AFM: variants seen among roughly 807,000 people sequenced by gnomAD.
AFM encodes the protein afamin.
In AFM, 82 loss-of-function variants were observed where a neutral mutation model predicts 68.7. That is an observed-to-expected ratio of 1.19 (90% confidence interval 1.00 to 1.43). The LOEUF is 1.43. Ranked by LOEUF, AFM falls within the 40% of genes most tolerant of loss-of-function variation. The probability of loss-of-function intolerance (pLI) is 0.00; values close to 1 mark genes in which losing one functional copy is unlikely to be tolerated. For synonymous variants in AFM, 250 were observed against 234.2 expected, an observed-to-expected ratio of 1.07 and a Z score of -0.61; for missense variants, 772 against 701.8, an observed-to-expected ratio of 1.10 and a Z score of -1.13.
At chr4:73,503,179 C>G in intron 14 of AFM, 69 bp downstream of exon 14, 1 of 1,197,540 alleles carries the variant, frequency 8.4e-7, no homozygotes, top group Non-Finnish European at 1.2e-6. Context: ...GCCTTTTCTC[C>G]CTCATGCTTC....
At chr4:73,486,938 C>T in intron 4 of AFM, 29 bp from the exon 5 acceptor site, 1 of 1,601,366 alleles carries the variant, frequency 6.2e-7, no homozygotes, top group Non-Finnish European at 8.5e-7. Flanking sequence ...CCTCACCCGT[C>T]TTCTCTCTTT....
rs1560409010 is a variant in AFM at position 73,486,063 on chromosome 4, C to T, written c.472C>T (p.Leu158Phe). 6.2e-7 allele frequency: 1 copy of T among 1,612,940 alleles called. No individual in the cohort carries two copies. The highest frequency in any genetic ancestry group is 8.5e-7 in the Non-Finnish European group (1 of 1,179,190). Residue 158 changes from leucine to phenylalanine, a missense_variant, in exon 4 of 15, where the codon CTT (leucine) becomes TTT (phenylalanine). By Grantham distance (22) the Leu-to-Phe change is conservative. Transcript: ENST00000226355. Reference sequence around the variant, plus strand: ...GGCTTATGAAAGTAACAGAGAATCCCTTTTAAATCAGTAAGTTTAATCTTA... The same window carrying T: ...GGCTTATGAAAGTAACAGAGAATCCTTTTTAAATCAGTAAGTTTAATCTTA... The part of the protein sequence containing the change: ...CQAYESNRES[L>F]LNHFLYEVAR...
chr4:73,485,768 A>G, intron 3 of AFM, 94 bp from the exon 4 acceptor site: 1 of 949,472 alleles, frequency 1.1e-6, no homozygotes, highest in Non-Finnish European at 1.6e-6. Context: ...TCTGTTGGTA[A>G]TGGTGGGAAA....
chr4:73,490,916 G>A (rs1166649236), intron 7 of AFM, among the ~76,000 whole-genome samples: 1 of 152,150 alleles, frequency 6.6e-6, no homozygotes, highest in Non-Finnish European at 1.5e-5. Flanking sequence ...TGGAAACATG[G>A]TGCCGATCCC....
At chr4:73,495,873 C>A (rs1324188769) in intron 9 of AFM, among the ~76,000 whole-genome samples, 3 of 152,066 alleles carry the variant, frequency 2.0e-5, no homozygotes, top group Non-Finnish European at 4.4e-5. Flanking sequence ...TACAAAGAAC[C>A]CTTTTCTGAT....
intron 8 of AFM, among the ~76,000 whole-genome samples, chr4:73,492,678 T>C (rs1214170473): frequency 6.6e-6 from 1 of 150,526 alleles, no homozygotes; most frequent in Non-Finnish European, 1.5e-5. Flanking sequence ...TCATCTATAA[T>C]CCCAGCTAAT....
At chr4:73,486,141 C>G (rs1720896717) in intron 4 of AFM, 68 bp downstream of exon 4, 2 of 1,274,742 alleles carry the variant, frequency 1.6e-6, no homozygotes, top group African/African-American at 1.5e-5. Context: ...TAATATCTAT[C>G]TCAAATAAAT....
intron 8 of AFM, among the ~76,000 whole-genome samples, chr4:73,494,052 T>C (rs1430850975): frequency 2.6e-5 from 2 of 77,150 alleles, no homozygotes; most frequent in Non-Finnish European, 5.1e-5. Flanking sequence ...TTTTGAGACA[T>C]GTTTTTAGGT....
chr4:73,489,742 G>A (rs1721014642), intron 7 of AFM, among the ~76,000 whole-genome samples: 1 of 152,162 alleles, frequency 6.6e-6, no homozygotes, highest in South Asian at 2.1e-4. Context: ...CATGCATTCT[G>A]TTCTCACTCA....
At chr4:73,493,809 T>C (rs147517244) in intron 8 of AFM, among the ~76,000 whole-genome samples, 64 of 152,292 alleles carry the variant, frequency 4.2e-4, no homozygotes, top group African/African-American at 1.4e-3. Context: ...AACAAAATGA[T>C]AGATTGTACC....
Position 73,501,922 on chromosome 4 carries a change from A to G in AFM, c.1779+3A>G. On this transcript the variant is annotated splice_donor_region_variant and intron_variant, in intron 13 of 14. Transcript: ENST00000226355. ...CTGAAGTCTGCTTTAATGAAGAGGT[A>G]GTTTTATTTCTTTTCTACTGAAATT... The G allele has an allele frequency of 6.2e-7, 1 of 1,610,536 alleles. No individual in the cohort carries two copies. The highest frequency in any genetic ancestry group is 8.5e-7 in the Non-Finnish European group (1 of 1,178,662).
intron 11 of AFM, 89 bp downstream of exon 11, chr4:73,499,335 T>A (rs1003316680): frequency 1.6e-6 from 2 of 1,229,272 alleles, no homozygotes; most frequent in African/African-American, 1.6e-5. Context: ...TGATTATCCA[T>A]ATTCCTTTCT....
Position 73,486,027 on chromosome 4 carries a change from G to A in AFM, c.436G>A (p.Glu146Lys), listed in dbSNP as rs760718969. ...LPPFPTLDPE[E>K]KCQAYESNRE... ...TCCTTTCCCTACCCTGGATCCCGAAGAGAAATGCCAGGCTTATGAAAGTAA... is the reference window on the plus strand; with the variant it reads ...TCCTTTCCCTACCCTGGATCCCGAAAAGAAATGCCAGGCTTATGAAAGTAA... Residue 146 changes from glutamate to lysine, a missense_variant, in exon 4 of 15, where the codon GAG (glutamate) becomes AAG (lysine). Glu to Lys is a moderately conservative substitution (Grantham distance 56). Transcript: ENST00000226355. The A allele has an allele frequency of 2.5e-6, 4 of 1,613,936 alleles. No homozygotes were observed. Among genetic ancestry groups the A allele is most frequent in the Admixed American group, 1.7e-5 (1 of 59,992 alleles).
chr4:73,494,950 A>G (rs577881568), intron 8 of AFM, among the ~76,000 whole-genome samples: 1 of 152,364 alleles, frequency 6.6e-6, no homozygotes, highest in East Asian at 1.9e-4. Context: ...ATCTGAATGC[A>G]TCTTCAAACA....
intron 9 of AFM, among the ~76,000 whole-genome samples, chr4:73,497,253 C>T (rs1323681818): frequency 6.6e-6 from 1 of 152,146 alleles, no homozygotes; most frequent in Non-Finnish European, 1.5e-5. Context: ...CACTTACTAG[C>T]TGGGGTATTC....
At chr4:73,502,422 G>T (rs1423110982) in intron 13 of AFM, among the ~76,000 whole-genome samples, 2 of 149,642 alleles carry the variant, frequency 1.3e-5, no homozygotes, top group Non-Finnish European at 2.9e-5. Context: ...TAATGAGGGA[G>T]TGGAGGGTAA....
At position 73,488,693 on chromosome 4, in the gene AFM, A is replaced by G; in HGVS notation, c.777A>G (p.Val259=). The G allele has an allele frequency of 1.2e-6, 2 of 1,613,080 alleles. No individual in the cohort carries two copies. Among genetic ancestry groups the G allele is most frequent in the Non-Finnish European group, 1.7e-6 (2 of 1,179,224 alleles). ...AATTTAAGGAGCTTATTTCTCTTGT[A>G]GAAGATGTTTCTTCCAACTATGATG... ...KIEFKELISL[V]EDVSSNYDGC... The change falls in exon 7 of 15, where the codon GTA becomes GTG. Residue 259 remains valine (V), a synonymous_variant. Coordinates refer to ENST00000226355, the MANE Select transcript of AFM (RefSeq NM_001133.2).
In AFM at chr4:73,500,038, A is replaced by T. The variant is rs1490411648; in HGVS notation, c.1457A>T (p.Asn486Ile). 6.2e-7 allele frequency: 1 copy of T among 1,614,062 alleles called. No individual in the cohort carries two copies. The highest frequency in any genetic ancestry group is 1.7e-5 in the Admixed American group (1 of 59,998). Residue 486 changes from asparagine to isoleucine, a missense_variant, in exon 12 of 15, where the codon AAT (asparagine) becomes ATT (isoleucine). Physicochemically the swap from Asn to Ile is moderately radical, Grantham distance 149. Transcript: ENST00000226355. Reference sequence around the variant, plus strand: ...GTTTTTGGAGAGTTATGTGGAGTAAATGAAAATCGAACTATCAACCCTGCT... The same window carrying T: ...GTTTTTGGAGAGTTATGTGGAGTAATTGAAAATCGAACTATCAACCCTGCT... ...DLVFGELCGV[N>I]ENRTINPAVD...
intron 4 of AFM, among the ~76,000 whole-genome samples, chr4:73,486,286 C>T (rs548613400): frequency 1.3e-5 from 2 of 152,168 alleles, no homozygotes; most frequent in African/African-American, 2.4e-5. Context: ...ATTATATTAA[C>T]GAATTTTATC....
Sources: allele counts gnomAD v4.1 joint callset (sites outside exome capture counted in the v4.1 genomes callset), GRCh38; gene constraint gnomAD v4.1.1; transcripts MANE v1.5; gene names NCBI Gene and HGNC (gene_info 2026-07-23, HGNC 2026-07-21).